The following FAT4 variants were observed in gnomAD, a reference collection of about 807,000 sequenced individuals.
FAT4 encodes the protein protocadherin Fat 4.
FAT4 carries 84 observed loss-of-function variants against 303.9 expected under a neutral mutation model. The observed-to-expected ratio is 0.28, with a 90% CI of 0.23 to 0.33. The LOEUF (loss-of-function observed/expected upper bound fraction) is 0.33, where lower values mean the gene tolerates loss of function less well. Ranked by LOEUF, FAT4 falls within the 10% of genes least tolerant of loss-of-function variation. The pLI, the probability that FAT4 is intolerant of heterozygous loss-of-function variation, is 1.00. For synonymous variants in FAT4, 2,307 were observed against 2,298.8 expected, an observed-to-expected ratio of 1.00 and a Z score of -0.10; for missense variants, 6,005 against 6,146.8, an observed-to-expected ratio of 0.98 and a Z score of 0.77.
At chr4:125,460,871 T>C (rs1726459736) in intron 10 of FAT4, among the ~76,000 whole-genome samples, 1 of 152,100 alleles carries the variant, frequency 6.6e-6, no homozygotes, top group Non-Finnish European at 1.5e-5. Context: ...ATTAATTATT[T>C]GTAATTATCC....
chr4:125,439,705 A>G (rs1016073646), intron 8 of FAT4, among the ~76,000 whole-genome samples: 1 of 151,968 alleles, frequency 6.6e-6, no homozygotes, highest in Non-Finnish European at 1.5e-5. Flanking sequence ...CTTTAATTCA[A>G]AAGTTACTCA....
intron 12 of FAT4, 77 bp downstream of exon 12, chr4:125,468,896 G>A: frequency 4.3e-6 from 6 of 1,393,334 alleles, no homozygotes; most frequent in Non-Finnish European, 5.9e-6. Flanking sequence ...TGCAAATCAT[G>A]TTAAATTAGG....
At chr4:125,340,863 C>G (rs1233609166) in intron 2 of FAT4, among the ~76,000 whole-genome samples, 2 of 152,080 alleles carry the variant, frequency 1.3e-5, no homozygotes, top group African/African-American at 2.4e-5. Context: ...GTGGTTGCTA[C>G]TCAAACACAT....
chr4:125,375,615 A>T (rs1560785933), intron 2 of FAT4, among the ~76,000 whole-genome samples: 1 of 152,224 alleles, frequency 6.6e-6, no homozygotes, highest in Non-Finnish European at 1.5e-5. Flanking sequence ...GTAAACTTTC[A>T]GCTCTCTGGC....
rs1321137713 is a variant in FAT4 at position 125,450,904 on chromosome 4, C to T, written c.9894C>T (p.Pro3298=). The change falls in exon 10 of 18, where the codon CCC becomes CCT. Residue 3298 remains proline, a synonymous_variant. Transcript: ENST00000394329. The stretch of plus-strand genomic sequence containing the variant: ...TAAAAGGGACAAATGAATATGTGCC[C>T]CGTTTTGTTTCCAAACTTTACTATT... ...IQLKGTNEYV[P]RFVSKLYYFE... 1 of 1,614,080 alleles carries T rather than the reference C, an allele frequency of 6.2e-7. No homozygotes were observed. Among genetic ancestry groups the T allele is most frequent in the Non-Finnish European group, 8.5e-7 (1 of 1,180,008 alleles).
Position 125,398,988 on chromosome 4 carries a change from A to G in FAT4, c.5307+73A>G, listed in dbSNP as rs1221735662. 2.1e-6 allele frequency: 3 copies of G among 1,437,658 alleles called. No homozygotes were observed. The African/African-American group carries it at 4.2e-5, about 20-fold the overall frequency. The allele number at this position is 1,437,658 out of a possible 1,614,324, so 89.1% of individuals were successfully genotyped here. ...TTTATCAAATTTCTAGGATATGTTG[A>G]CTACTTTTATTACCCAATAATTAAG... On this transcript the variant is annotated intron_variant, in intron 3 of 17. Transcript: ENST00000394329.
chr4:125,410,375 C>T (rs1171494015), intron 5 of FAT4, among the ~76,000 whole-genome samples: 1 of 152,246 alleles, frequency 6.6e-6, no homozygotes, highest in South Asian at 2.1e-4. Flanking sequence ...ATTGCACACT[C>T]TATTTCATGT....
intron 14 of FAT4, among the ~76,000 whole-genome samples, chr4:125,478,394 A>G (rs1020242776): frequency 1.3e-5 from 2 of 152,114 alleles, no homozygotes; most frequent in Non-Finnish European, 2.9e-5. Flanking sequence ...ACTTTTTTAA[A>G]TATCAATTTT....
Position 125,415,382 on chromosome 4 carries a change from T to C in FAT4, c.6419T>C (p.Val2140Ala). The change falls in exon 6 of 18, where the codon GTT (valine) becomes GCT (alanine). Residue 2140 changes from valine to alanine, a missense_variant. By Grantham distance (64) the Val-to-Ala change is moderately conservative (BLOSUM62 0). Transcript: ENST00000394329. ...CCATCTCTCTCTTCATCTACAGAGG[T>C]TGTAGTTATGGTACTTGACATCAAT... ...GQPSLSSSTE[V>A]VVMVLDINDN... 2 of 1,614,026 alleles carry C rather than the reference T, an allele frequency of 1.2e-6. No individual in the cohort carries two copies. Among genetic ancestry groups the C allele is most frequent in the East Asian group, 2.2e-5 (1 of 44,852 alleles).
Position 125,450,353 on chromosome 4 carries a change from G to T in FAT4, c.9343G>T (p.Ala3115Ser), listed in dbSNP as rs1392411184. The T allele has an allele frequency of 6.2e-7, 1 of 1,614,090 alleles. No individual in the cohort carries two copies. Among genetic ancestry groups the T allele is most frequent in the Non-Finnish European group, 8.5e-7 (1 of 1,179,990 alleles). Reference protein sequence around the residue: ...SIGSIVRTVSARDRDAAMNGL... With the variant: ...SIGSIVRTVSSRDRDAAMNGL... The stretch of plus-strand genomic sequence containing the variant: ...TGGGTCCATTGTCAGAACTGTTTCT[G>T]CAAGAGATAGAGATGCAGCGATGAA... The change falls in exon 10 of 18, where the codon GCA becomes TCA. Residue 3115 changes from alanine (A) to serine (S), a missense_variant. Coordinates refer to ENST00000394329, the MANE Select transcript of FAT4 (RefSeq NM_001291303.3).
intron 2 of FAT4, among the ~76,000 whole-genome samples, chr4:125,362,206 G>C (rs577077947): frequency 2.0e-5 from 3 of 151,972 alleles, no homozygotes; most frequent in Non-Finnish European, 4.4e-5. Flanking sequence ...GATTAAAAGC[G>C]TATGTGTGTG....
intron 2 of FAT4, among the ~76,000 whole-genome samples, chr4:125,389,137 T>G (rs935430456): frequency 1.3e-5 from 2 of 152,192 alleles, no homozygotes; most frequent in Non-Finnish European, 2.9e-5. Flanking sequence ...AAAATGTGTA[T>G]GCTTCTTTCA....
intron 2 of FAT4, among the ~76,000 whole-genome samples, chr4:125,346,319 G>T (rs189791231): frequency 6.6e-6 from 1 of 151,862 alleles, no homozygotes; most frequent in Non-Finnish European, 1.5e-5. Flanking sequence ...TCAAGTTGGG[G>T]TACAGTAAGC....
chr4:125,358,732 T>C (rs1423866701), intron 2 of FAT4, among the ~76,000 whole-genome samples: 1 of 152,138 alleles, frequency 6.6e-6, no homozygotes. Context: ...ATCAGGCCGG[T>C]TTCCTATCAG....
In FAT4 at chr4:125,320,215, A is replaced by T; in HGVS notation, c.3804A>T (p.Thr1268=). The T allele has an allele frequency of 6.2e-7, 1 of 1,613,952 alleles. No homozygotes were observed. Among genetic ancestry groups the T allele is most frequent in the Non-Finnish European group, 8.5e-7 (1 of 1,179,784 alleles). ...TAGACAGTACCTCTGGTCAGGTAAC[A>T]CTAATTGGCAAATTAGACTATGAAG... The part of the protein sequence containing the change: ...FAIDSTSGQV[T]LIGKLDYEAT... The change falls in exon 2 of 18, where the codon ACA becomes ACT. Residue 1268 remains threonine (T), a synonymous_variant. Coordinates refer to ENST00000394329, the MANE Select transcript of FAT4 (RefSeq NM_001291303.3).
chr4:125,407,866 A>G (rs193059184), intron 4 of FAT4, among the ~76,000 whole-genome samples: 2 of 152,214 alleles, frequency 1.3e-5, no homozygotes, highest in East Asian at 3.9e-4. Context: ...ATTTGGAATG[A>G]TTATTCATGA....
chr4:125,433,125 T>G (rs1006311703), intron 7 of FAT4, among the ~76,000 whole-genome samples: 18 of 152,240 alleles, frequency 1.2e-4, no homozygotes, highest in African/African-American at 4.3e-4. Flanking sequence ...TACCAGCAAA[T>G]CACTTGACTA....
In FAT4 at chr4:125,320,743, A is replaced by G. The variant is rs1282466608; in HGVS notation, c.4332A>G (p.Ala1444=). ...GTACATCTGTCATTTCAGTGACTGCACATGACCCTGATGCAGACATTAATG... is the reference window on the plus strand; with the variant it reads ...GTACATCTGTCATTTCAGTGACTGCGCATGACCCTGATGCAGACATTAATG... ...PIGTSVISVT[A]HDPDADINGQ... Residue 1444 remains alanine, a synonymous_variant, in exon 2 of 18, where the codon GCA becomes GCG. Transcript: ENST00000394329. 5.6e-6 allele frequency: 9 copies of G among 1,614,204 alleles called. No homozygotes were observed. The South Asian group carries it at 9.9e-5, about 18-fold the overall frequency.
intron 2 of FAT4, among the ~76,000 whole-genome samples, chr4:125,382,378 A>G (rs1045496337): frequency 1.3e-5 from 2 of 152,216 alleles, no homozygotes; most frequent in Admixed American, 6.5e-5. Flanking sequence ...GAATGTAAAC[A>G]TTAATCTCTT....
Sources: gnomAD v4.1 joint callset for allele counts (sites outside exome capture counted in the v4.1 genomes callset) on GRCh38, gnomAD v4.1.1 for gene constraint, MANE v1.5 for transcripts, NCBI Gene and HGNC (gene_info 2026-07-23, HGNC 2026-07-21) for gene names.